GRID1: variants seen among roughly 807,000 people sequenced by gnomAD.
GRID1 encodes the protein glutamate receptor ionotropic, delta-1.
In GRID1, 28 loss-of-function variants were observed where a neutral mutation model predicts 98.0. The observed-to-expected ratio is 0.29, with a 90% confidence interval of 0.21 to 0.39. The LOEUF (loss-of-function observed/expected upper bound fraction) is 0.39, where lower values mean the gene tolerates loss of function less well. Among genes scored for constraint, GRID1 ranks in the 10% least tolerant of loss-of-function variants. GRID1 has a pLI of 1.00. For synonymous variants in GRID1, 553 were observed against 538.5 expected (o/e 1.03, Z -0.37); for missense variants, 1,111 against 1,340.5 (o/e 0.83, Z 2.67).
chr10:85,917,272 T>TC (rs1841634168), intron 4 of GRID1, among the ~76,000 whole-genome samples: 1 of 152,030 alleles, frequency 6.6e-6, no homozygotes, highest in African/African-American at 2.4e-5. Flanking sequence ...TTTTTGTTTG[T>TC]AATGTAATTT....
intron 12 of GRID1, among the ~76,000 whole-genome samples, chr10:85,672,543 T>G (rs1261108443): frequency 6.6e-6 from 1 of 152,122 alleles, no homozygotes; most frequent in African/African-American, 2.4e-5. Flanking sequence ...CTTGACCTCA[T>G]GATCTGCCCA....
Position 85,599,788 on chromosome 10 carries a change from T to TAAAAAAAAAAAAAA in GRID1, c.*2471_*2484dup, listed in dbSNP as rs1220249442. On this transcript the variant is annotated 3_prime_UTR_variant, in exon 16 of 16. Transcript: ENST00000327946. ...CCCTCATGCCAAGGGTAGAAAATTC[T>TAAAAAAAAAAAAAA]AAAAAAAAAAAAAAATATATATATA... 2 of 76,110 alleles carry TAAAAAAAAAAAAAA rather than the reference T, an allele frequency of 2.6e-5. No homozygotes were observed. Among genetic ancestry groups the TAAAAAAAAAAAAAA allele is most frequent in the Admixed American group, 1.4e-4 (1 of 7,374 alleles). 4.7% of individuals were successfully genotyped at this position (76,110 alleles called of 1,614,324 possible).
At chr10:85,771,725 C>A (rs367920687) in intron 8 of GRID1, among the ~76,000 whole-genome samples, 19 of 152,200 alleles carry the variant, frequency 1.2e-4, no homozygotes, top group South Asian at 4.2e-4. Context: ...GAGACAAAGG[C>A]GGCCATTACA....
chr10:85,911,475 C>G (rs894684347), intron 5 of GRID1, among the ~76,000 whole-genome samples: 16 of 152,178 alleles, frequency 1.1e-4, no homozygotes, highest in Admixed American at 2.0e-4. Context: ...GGCCTGCTGA[C>G]TATACCTCCT....
At chr10:86,090,199 C>T (rs550152955) in intron 4 of GRID1, among the ~76,000 whole-genome samples, 1 of 151,530 alleles carries the variant, frequency 6.6e-6, no homozygotes, top group African/African-American at 2.4e-5. Context: ...GGGGGAATCA[C>T]TTGAGGCCAA....
chr10:85,929,419 C>T (rs981104155), intron 4 of GRID1, among the ~76,000 whole-genome samples: 1 of 152,164 alleles, frequency 6.6e-6, no homozygotes, highest in African/African-American at 2.4e-5. Context: ...CCTAGTTCTC[C>T]AGCATTCAGC....
At chr10:86,204,511 G>A (rs915144510) in intron 3 of GRID1, among the ~76,000 whole-genome samples, 5 of 152,212 alleles carry the variant, frequency 3.3e-5, no homozygotes, top group African/African-American at 9.7e-5. Context: ...TGGGGCTCAG[G>A]GACACCTTTC....
intron 12 of GRID1, among the ~76,000 whole-genome samples, chr10:85,718,822 CA>C (rs1293164044): frequency 6.6e-6 from 1 of 152,228 alleles, no homozygotes; most frequent in African/African-American, 2.4e-5. Context: ...TGGGGATTAA[CA>C]GTAGGCTCCT....
chr10:85,881,596 T>A (rs1306749868), intron 5 of GRID1, among the ~76,000 whole-genome samples: 1 of 152,218 alleles, frequency 6.6e-6, no homozygotes, highest in Non-Finnish European at 1.5e-5. Context: ...ACTAGATCCC[T>A]TCCTTACACC....
intron 12 of GRID1, among the ~76,000 whole-genome samples, chr10:85,686,744 A>G (rs1190360830): frequency 1.3e-5 from 2 of 152,070 alleles, no homozygotes; most frequent in African/African-American, 2.4e-5. Context: ...TTTTATTTAC[A>G]GATGCATATT....
At chr10:85,858,220 G>C (rs1843131979) in intron 6 of GRID1, among the ~76,000 whole-genome samples, 1 of 152,234 alleles carries the variant, frequency 6.6e-6, no homozygotes, top group Non-Finnish European at 1.5e-5. Flanking sequence ...AGGTGTAACA[G>C]GTAGGTGGAG....
intron 12 of GRID1, among the ~76,000 whole-genome samples, chr10:85,650,444 G>A (rs990472314): frequency 6.6e-6 from 1 of 152,144 alleles, no homozygotes; most frequent in African/African-American, 2.4e-5. Flanking sequence ...TCACATGCAC[G>A]ATGCAACTTG....
intron 2 of GRID1, among the ~76,000 whole-genome samples, chr10:86,307,926 C>T (rs1324289952): frequency 3.3e-5 from 5 of 152,182 alleles, no homozygotes; most frequent in Admixed American, 3.3e-4. Context: ...GAGATCTACG[C>T]TCTGAACAAA....
chr10:86,186,525 C>T (rs1485435181), intron 3 of GRID1, among the ~76,000 whole-genome samples: 1 of 152,094 alleles, frequency 6.6e-6, no homozygotes, highest in Non-Finnish European at 1.5e-5. Context: ...CTTTCTGCTT[C>T]TCTAAGGGAC....
In GRID1 at chr10:86,366,528, CGCGCCCGCCCCTGCGCCCT is replaced by C. The variant is rs937859044; in HGVS notation, c.-155_-137del. Reference sequence around the variant, plus strand: ...GAGCCCGCCCGTGCGTCTTCCCCCGCGCGCCCGCCCCTGCGCCCTGCGCCCGCCCCAGCCCAGCCCAGCC... The same window carrying C: ...GAGCCCGCCCGTGCGTCTTCCCCCGCGCGCCCGCCCCAGCCCAGCCCAGCC... On this transcript the variant is annotated 5_prime_UTR_variant, in exon 1 of 16. Coordinates refer to ENST00000327946, the MANE Select transcript of GRID1 (RefSeq NM_017551.3). This position sits in a 1 kb window ranked among gnomAD's most constrained non-coding sequence, Gnocchi z 4.1. The C allele has an allele frequency of 2.5e-5, 10 of 402,112 alleles. No homozygotes were observed. Among genetic ancestry groups the C allele is most frequent in the Admixed American group, 5.0e-5 (1 of 19,842 alleles). 24.9% of individuals were successfully genotyped at this position (402,112 alleles called of 1,614,324 possible).
At chr10:85,933,690 C>T (rs1184436505) in intron 4 of GRID1, among the ~76,000 whole-genome samples, 1 of 152,128 alleles carries the variant, frequency 6.6e-6, no homozygotes, top group Non-Finnish European at 1.5e-5. Flanking sequence ...GGCGCAGGCT[C>T]GATTTATCAC....
intron 2 of GRID1, among the ~76,000 whole-genome samples, chr10:86,287,591 C>A (rs1847450413): frequency 6.6e-6 from 1 of 152,216 alleles, no homozygotes. Flanking sequence ...TTCCTAGCCC[C>A]AGCCCTGACC....
intron 12 of GRID1, among the ~76,000 whole-genome samples, chr10:85,657,598 C>T (rs1840915384): frequency 6.6e-6 from 1 of 152,202 alleles, no homozygotes; most frequent in African/African-American, 2.4e-5. Flanking sequence ...TTCAGGACAA[C>T]TGTGAGTCAA....
chr10:86,017,464 T>A (rs1249058021), intron 4 of GRID1, among the ~76,000 whole-genome samples: 1 of 152,208 alleles, frequency 6.6e-6, no homozygotes, highest in Non-Finnish European at 1.5e-5. Context: ...GCCATCAGCA[T>A]GCGGAGACAG....
Sources: allele counts gnomAD v4.1 joint callset (sites outside exome capture counted in the v4.1 genomes callset), GRCh38; gene constraint gnomAD v4.1.1; non-coding constraint Gnocchi (gnomAD v3.1); transcripts MANE v1.5; gene names NCBI Gene and HGNC (gene_info 2026-07-23, HGNC 2026-07-21).